Variants in PCDH11X observed in about 807,000 individuals in gnomAD.
PCDH11X encodes protocadherin 11 X-linked.
Under a neutral mutation model 53.3 loss-of-function variants are expected in PCDH11X, and 18 were observed. The ratio of observed to expected loss-of-function variants is 0.34; its 90% CI spans 0.23 to 0.50. The LOEUF (loss-of-function observed/expected upper bound fraction) is 0.50. Among genes scored for constraint, PCDH11X ranks in the 20% least tolerant of loss-of-function variants. PCDH11X has a pLI of 0.98. For missense variants in PCDH11X, 570 were observed against 1,032.4 expected (o/e 0.55, Z 6.14); for synonymous variants, 279 against 393.3 (o/e 0.71, Z 3.44).
intron 8 of PCDH11X, among the ~76,000 whole-genome samples, chrX:92,314,711 C>T (rs1424361798): frequency 9.1e-6 from 1 of 110,109 alleles, no homozygotes; most frequent in Non-Finnish European, 1.9e-5. Context: ...CTTATGGAAC[C>T]ACAGTCATAT....
At chrX:92,076,074 T>C (rs2063768071) in intron 6 of PCDH11X, among the ~76,000 whole-genome samples, 1 of 109,377 alleles carries the variant, frequency 9.1e-6, no homozygotes, top group Non-Finnish European at 1.9e-5. Context: ...TTGGAAGAGA[T>C]GCCTGAACTC....
At chrX:92,208,723 A>G (rs1260321820) in intron 7 of PCDH11X, among the ~76,000 whole-genome samples, 1 of 105,526 alleles carries the variant, frequency 9.5e-6, no homozygotes, top group African/African-American at 3.5e-5. Context: ...TATCCCCGAA[A>G]ATGCAATTTT....
intron 10 of PCDH11X, among the ~76,000 whole-genome samples, chrX:92,577,794 C>G (rs1923162845): frequency 9.1e-6 from 1 of 109,429 alleles, no homozygotes; most frequent in Non-Finnish European, 1.9e-5. Context: ...TTCTTATTTA[C>G]CCAGGAGTCA....
At chrX:92,412,508 AGTATAT>A (rs2071702191) in intron 9 of PCDH11X, among the ~76,000 whole-genome samples, 3 of 40,356 alleles carry the variant, frequency 7.4e-5, no homozygotes, top group African/African-American at 1.8e-4. Context: ...TAAAGAAAAT[AGTATAT>A]ATATATATAT....
At chrX:92,540,669 A>T (rs2074740264) in intron 10 of PCDH11X, among the ~76,000 whole-genome samples, 1 of 106,223 alleles carries the variant, frequency 9.4e-6, no homozygotes. Flanking sequence ...ATGGCAGGTC[A>T]CACTTGAAGT....
chrX:91,941,479 A>C (rs1270571088), intron 6 of PCDH11X, among the ~76,000 whole-genome samples: 2 of 109,642 alleles, frequency 1.8e-5, no homozygotes, highest in African/African-American at 6.6e-5. Context: ...GATAGTTCAT[A>C]ATGTTAAAGG....
intron 9 of PCDH11X, among the ~76,000 whole-genome samples, chrX:92,408,232 G>T (rs762280438): frequency 9.0e-6 from 1 of 111,138 alleles, no homozygotes; most frequent in African/African-American, 3.3e-5. Flanking sequence ...TTGTCTCATT[G>T]ATGCCTAGAT....
intron 6 of PCDH11X, among the ~76,000 whole-genome samples, chrX:92,171,535 C>G (rs2065825414): frequency 9.0e-6 from 1 of 111,429 alleles, no homozygotes; most frequent in South Asian, 3.7e-4. Context: ...TCTCAGCTCA[C>G]TGTAACCTGT....
chrX:92,143,965 C>G lies in PCDH11X; in HGVS notation c.3034-57410C>G, dbSNP rs376617755. ...CATCCGCGTGACCTGTATGTGAGAC[C>G]TGGAGTCAAAGGAGGTCATTTTGGA... On this transcript the variant is annotated intron_variant, in intron 6 of 10. Transcript: ENST00000682573. Among the ~76,000 whole-genome samples, 90 of 111,919 alleles carry G rather than the reference C, an allele frequency of 8.0e-4. 3 individuals are homozygous for G. The East Asian group carries it at 0.018, about 22-fold the overall frequency.
intron 8 of PCDH11X, among the ~76,000 whole-genome samples, chrX:92,362,076 T>G (rs1311222614): frequency 9.1e-6 from 1 of 109,828 alleles, no homozygotes; most frequent in Non-Finnish European, 1.9e-5. Context: ...TTACCTTTTG[T>G]CTACTCTGAA....
At chrX:92,482,702 T>C (rs1459848622) in intron 10 of PCDH11X, among the ~76,000 whole-genome samples, 1 of 109,120 alleles carries the variant, frequency 9.2e-6, no homozygotes, top group Non-Finnish European at 1.9e-5. Context: ...AGTGAAGTCT[T>C]GATGTAAATG....
intron 8 of PCDH11X, among the ~76,000 whole-genome samples, chrX:92,352,266 C>A (rs1241024907): frequency 2.7e-5 from 3 of 111,513 alleles, no homozygotes; most frequent in Non-Finnish European, 5.7e-5. Context: ...ATACCCAAAC[C>A]TCTCATTTGA....
chrX:92,002,478 T>A (rs749834819), intron 6 of PCDH11X, among the ~76,000 whole-genome samples: 1 of 110,615 alleles, frequency 9.0e-6, no homozygotes, highest in South Asian at 3.9e-4. Flanking sequence ...AATGTGTAGA[T>A]AGCTTAGGGT....
intron 6 of PCDH11X, among the ~76,000 whole-genome samples, chrX:92,049,490 A>T (rs1006818628): frequency 8.2e-5 from 9 of 110,297 alleles, no homozygotes; most frequent in African/African-American, 3.0e-4. Context: ...GTTTTAGAGG[A>T]TCTCCTGTGG....
chrX:91,982,941 G>T (rs2062164987), intron 6 of PCDH11X: 1 of 1,111,260 alleles, frequency 9.0e-7, no homozygotes, highest in South Asian at 1.8e-5. Flanking sequence ...ACCAAACTCT[G>T]TCCCGTCATT....
chrX:92,132,635 G>GTATA (rs796606879), intron 6 of PCDH11X, among the ~76,000 whole-genome samples: 33 of 61,847 alleles, frequency 5.3e-4, no homozygotes, highest in African/African-American at 8.3e-4. Flanking sequence ...ATATATATAT[G>GTATA]TATATATATA....
At chrX:92,159,035 T>C (rs1477927367) in intron 6 of PCDH11X, among the ~76,000 whole-genome samples, 1 of 112,247 alleles carries the variant, frequency 8.9e-6, no homozygotes, top group East Asian at 2.8e-4. Flanking sequence ...AAGTACATAT[T>C]ACAAAAATAT....
intron 10 of PCDH11X, among the ~76,000 whole-genome samples, chrX:92,576,264 A>T: frequency 1.1e-5 from 1 of 88,100 alleles, no homozygotes; most frequent in Non-Finnish European, 2.2e-5. Flanking sequence ...CTATCCCCTT[A>T]TTTCCTGGCT....
chrX:92,123,005 T>C (rs2064799133), intron 6 of PCDH11X, among the ~76,000 whole-genome samples: 1 of 111,212 alleles, frequency 9.0e-6, no homozygotes, highest in South Asian at 3.8e-4. Flanking sequence ...TTGCCCTCCA[T>C]CTACCCTTTG....
Sources: allele counts gnomAD v4.1 joint callset (sites outside exome capture counted in the v4.1 genomes callset), GRCh38; gene constraint gnomAD v4.1.1; transcripts MANE v1.5; gene names NCBI Gene and HGNC (gene_info 2026-07-23, HGNC 2026-07-21).